Variants in ADGRL2 observed in about 807,000 individuals in gnomAD.
ADGRL2 encodes the protein adhesion G protein-coupled receptor L2.
Under a neutral mutation model 157.4 loss-of-function variants are expected in ADGRL2, and 44 were observed. The observed-to-expected ratio is 0.28, with a 90% CI of 0.22 to 0.36. ADGRL2 has a LOEUF of 0.36. Ranked by LOEUF, ADGRL2 falls within the 10% of genes least tolerant of loss-of-function variation. The pLI is 1.00. For synonymous variants in ADGRL2, 585 were observed against 624.7 expected (o/e 0.94, Z 0.95); for missense variants, 1,510 against 1,768.9 (o/e 0.85, Z 2.63).
intron 2 of ADGRL2, among the ~76,000 whole-genome samples, chr1:81,899,191 A>G (rs1433295399): frequency 6.6e-6 from 1 of 152,198 alleles, no homozygotes; most frequent in East Asian, 1.9e-4. Context: ...GTTAATGGAG[A>G]CTTTGTTAGA....
intron 3 of ADGRL2, among the ~76,000 whole-genome samples, chr1:81,668,180 TG>T (rs1287967689): frequency 1.3e-5 from 2 of 152,158 alleles, no homozygotes; most frequent in East Asian, 3.9e-4. Context: ...CCCAGCACTT[TG>T]GGGGGCGAAG....
intron 2 of ADGRL2, among the ~76,000 whole-genome samples, chr1:81,842,893 C>T (rs891675458): frequency 6.6e-6 from 1 of 151,950 alleles, no homozygotes; most frequent in East Asian, 1.9e-4. Flanking sequence ...TCAGATTTCC[C>T]AATCTAACAA....
At chr1:81,854,841 C>A (rs1428416065) in intron 2 of ADGRL2, among the ~76,000 whole-genome samples, 1 of 152,074 alleles carries the variant, frequency 6.6e-6, no homozygotes, top group Non-Finnish European at 1.5e-5. Context: ...GGGTGAATTG[C>A]AAATAGGTCA....
At chr1:81,722,291 T>TAA in intron 1 of ADGRL2, 16 of 446,346 alleles carry the variant, frequency 3.6e-5, no homozygotes, top group Non-Finnish European at 4.6e-5. Context: ...AGACTCCGTC[T>TAA]AAAAAAAAAA....
chr1:81,669,942 CAAAAAA>C (rs11389637), intron 3 of ADGRL2, among the ~76,000 whole-genome samples: 1 of 88,034 alleles, frequency 1.1e-5, no homozygotes, highest in Non-Finnish European at 2.3e-5. Flanking sequence ...GACTACGTCT[CAAAAAA>C]AAAAAAAAAA....
At chr1:81,920,965 A>T (rs1318665282) in intron 3 of ADGRL2, among the ~76,000 whole-genome samples, 1 of 152,136 alleles carries the variant, frequency 6.6e-6, no homozygotes, top group African/African-American at 2.4e-5. Flanking sequence ...AATAAAAGTA[A>T]TATTTTGACC....
At chr1:81,890,888 A>C (rs1251484161) in intron 2 of ADGRL2, among the ~76,000 whole-genome samples, 1 of 152,088 alleles carries the variant, frequency 6.6e-6, no homozygotes, top group Non-Finnish European at 1.5e-5. Flanking sequence ...AAGGGGACAG[A>C]ATTTCTGTTA....
At chr1:81,404,591 G>A (rs1205542213) in intron 1 of ADGRL2, among the ~76,000 whole-genome samples, 1 of 152,130 alleles carries the variant, frequency 6.6e-6, no homozygotes, top group Non-Finnish European at 1.5e-5. Flanking sequence ...CAGAAACTTT[G>A]AATAAGTATA....
chr1:81,455,566 T>G (rs2077787772), intron 2 of ADGRL2, among the ~76,000 whole-genome samples: 1 of 152,214 alleles, frequency 6.6e-6, no homozygotes, highest in Non-Finnish European at 1.5e-5. Flanking sequence ...TGTTACATAT[T>G]AGAAGACCAT....
At chr1:81,843,387 T>C (rs1172823621) in intron 2 of ADGRL2, among the ~76,000 whole-genome samples, 3 of 152,152 alleles carry the variant, frequency 2.0e-5, no homozygotes, top group Non-Finnish European at 4.4e-5. Flanking sequence ...TGCCTTGGCC[T>C]CCCAAAGTGC....
chr1:81,715,499 C>A (rs1336956453), intron 1 of ADGRL2, among the ~76,000 whole-genome samples: 1 of 152,034 alleles, frequency 6.6e-6, no homozygotes, highest in Non-Finnish European at 1.5e-5. Context: ...TGCCTTTCAA[C>A]CTTTTAAAAT....
chr1:81,895,115 G>A (rs548753578), intron 2 of ADGRL2, among the ~76,000 whole-genome samples: 1 of 152,246 alleles, frequency 6.6e-6, no homozygotes, highest in South Asian at 2.1e-4. Context: ...CAGTGGTTGC[G>A]TGTGGTCACC....
At chr1:81,676,816 A>G (rs981415384) in intron 3 of ADGRL2, among the ~76,000 whole-genome samples, 2 of 151,524 alleles carry the variant, frequency 1.3e-5, no homozygotes, top group African/African-American at 4.9e-5. Context: ...CCTCCCAAGT[A>G]GCTGGGACTA....
At chr1:81,502,851 C>G (rs2078884466) in intron 2 of ADGRL2, 31 of 1,612,842 alleles carry the variant, frequency 1.9e-5, no homozygotes, top group Non-Finnish European at 2.6e-5. Context: ...CTGCCCTCCT[C>G]TCCCCACCCA....
At position 81,496,376 on chromosome 1, in the gene ADGRL2, AAG is replaced by A. The variant is rs140170662; in HGVS notation, c.-248+51288_-248+51289del. 5.9e-3 allele frequency among the ~76,000 whole-genome samples: 903 copies of A among 152,248 alleles called. 14 individuals carry two copies. The highest frequency in any genetic ancestry group is 0.021 in the African/African-American group (873 of 41,558). On this transcript the variant is annotated intron_variant, in intron 2 of 24. Transcript: ENST00000370721. ...GTCGCTCTTTTTTTCTTTAGCAAAAAAGGGGGAGAAATCATTAATTACAGTTT... is the reference window on the plus strand; with the variant it reads ...GTCGCTCTTTTTTTCTTTAGCAAAAAGGGGAGAAATCATTAATTACAGTTT...
At chr1:81,610,513 A>G (rs186326204) in intron 3 of ADGRL2, among the ~76,000 whole-genome samples, 99 of 152,306 alleles carry the variant, frequency 6.5e-4, no homozygotes, top group Non-Finnish European at 5.9e-5. Context: ...TGATCACTGA[A>G]GGCCATGTTA....
intron 3 of ADGRL2, among the ~76,000 whole-genome samples, chr1:81,676,992 CTT>C (rs576001428): frequency 1.5e-5 from 2 of 131,868 alleles, no homozygotes. Context: ...TTGGATTATT[CTT>C]TTTTTTTTTT....
At chr1:81,366,779 T>C (rs1402974723) in intron 1 of ADGRL2, among the ~76,000 whole-genome samples, 2 of 151,972 alleles carry the variant, frequency 1.3e-5, no homozygotes, top group African/African-American at 4.9e-5. Flanking sequence ...TTTTCAGGTC[T>C]GTGATTTTTG....
At chr1:81,829,067 A>G (rs553526799) in intron 1 of ADGRL2, among the ~76,000 whole-genome samples, 7 of 152,102 alleles carry the variant, frequency 4.6e-5, no homozygotes, top group African/African-American at 1.4e-4. Flanking sequence ...GCCTGCCACC[A>G]TGCCTGGCTA....
Sources: allele counts gnomAD v4.1 joint callset (sites outside exome capture counted in the v4.1 genomes callset), GRCh38; gene constraint gnomAD v4.1.1; transcripts MANE v1.5; gene names NCBI Gene and HGNC (gene_info 2026-07-23, HGNC 2026-07-21).